The following COA1 variants were observed in gnomAD, a reference collection of about 807,000 sequenced individuals.
COA1 encodes the protein cytochrome c oxidase assembly factor 1 homolog.
In COA1, 13 loss-of-function variants were observed where a neutral mutation model predicts 16.0. The ratio of observed to expected loss-of-function variants is 0.81; its 90% CI spans 0.53 to 1.29. COA1 has a LOEUF of 1.29. COA1 is among the 50% of genes most tolerant of loss of function. The pLI, the probability that COA1 is intolerant of heterozygous loss-of-function variation, is 0.00. For missense variants in COA1, 179 were observed against 177.0 expected, an observed-to-expected ratio of 1.01 and a Z score of -0.06; for synonymous variants, 65 against 65.7, an observed-to-expected ratio of 0.99 and a Z score of 0.05.
At chr7:43,679,988 TG>T (rs1386987401) in intron 1 of COA1, among the ~76,000 whole-genome samples, 2 of 151,994 alleles carry the variant, frequency 1.3e-5, no homozygotes, top group Non-Finnish European at 2.9e-5. Context: ...AAGAACTGAA[TG>T]GAAAGGTTTA....
chr7:43,674,190 T>A (rs1296976876), intron 1 of COA1, among the ~76,000 whole-genome samples: 2 of 152,138 alleles, frequency 1.3e-5, no homozygotes, highest in Non-Finnish European at 2.9e-5. Flanking sequence ...GCTTCCTAAG[T>A]AGAATTTTTA....
chr7:43,622,588 A>AT (rs1227683211), intron 6 of COA1: 1 of 151,636 alleles, frequency 6.6e-6, no homozygotes, highest in Middle Eastern at 3.2e-3. Flanking sequence ...TTGTGAGTAG[A>AT]TTTTTTTAAG....
At chr7:43,720,204 G>A (rs565946481) in intron 1 of COA1, among the ~76,000 whole-genome samples, 7 of 152,104 alleles carry the variant, frequency 4.6e-5, no homozygotes, top group Non-Finnish European at 7.4e-5. Flanking sequence ...GCTTGAAACC[G>A]GGAGGAAAGA....
chr7:43,628,156 T>G (rs1264113519), intron 6 of COA1, among the ~76,000 whole-genome samples: 1 of 151,984 alleles, frequency 6.6e-6, no homozygotes, highest in Non-Finnish European at 1.5e-5. Context: ...CCGGCTAATT[T>G]TTGTATTTTT....
chr7:43,673,280 G>A (rs2093360366), intron 1 of COA1, among the ~76,000 whole-genome samples: 1 of 152,086 alleles, frequency 6.6e-6, no homozygotes, highest in Non-Finnish European at 1.5e-5. Flanking sequence ...CTAATATCCA[G>A]AATCTATAAG....
At chr7:43,691,289 G>A (rs1334569380) in intron 1 of COA1, among the ~76,000 whole-genome samples, 1 of 51,130 alleles carries the variant, frequency 2.0e-5, no homozygotes, top group Non-Finnish European at 4.3e-5. Context: ...AAGAAAGAAA[G>A]AAAGAAAGAA....
intron 1 of COA1, among the ~76,000 whole-genome samples, chr7:43,718,305 T>G (rs549476860): frequency 1.3e-5 from 2 of 152,300 alleles, no homozygotes; most frequent in East Asian, 3.9e-4. Context: ...ATCACAAGCT[T>G]ATCTCCTAGA....
chr7:43,691,982 C>A (rs1158554236), intron 1 of COA1, among the ~76,000 whole-genome samples: 1 of 152,170 alleles, frequency 6.6e-6, no homozygotes, highest in Non-Finnish European at 1.5e-5. Context: ...ATCTGCATAC[C>A]AACATCAGTC....
intron 1 of COA1, among the ~76,000 whole-genome samples, chr7:43,725,702 C>CA (rs1053126182): frequency 2.6e-5 from 4 of 151,694 alleles, no homozygotes; most frequent in Non-Finnish European, 5.9e-5. Context: ...TACTATAAAA[C>CA]AAAAAAATTA....
chr7:43,642,380 G>T (rs1420657403), intron 4 of COA1, among the ~76,000 whole-genome samples: 2 of 152,144 alleles, frequency 1.3e-5, no homozygotes, highest in Admixed American at 1.3e-4. Context: ...AACCTGGGAG[G>T]TGGAGGCTGC....
intron 1 of COA1, among the ~76,000 whole-genome samples, chr7:43,685,220 G>C (rs1205855313): frequency 6.6e-6 from 1 of 151,532 alleles, no homozygotes; most frequent in Non-Finnish European, 1.5e-5. Flanking sequence ...CTCCACCATG[G>C]TCATTTCCAG....
At chr7:43,692,993 G>C (rs901676481) in intron 1 of COA1, among the ~76,000 whole-genome samples, 1 of 152,156 alleles carries the variant, frequency 6.6e-6, no homozygotes, top group African/African-American at 2.4e-5. Flanking sequence ...ACCTCAGACT[G>C]AGTCAGAATG....
intron 1 of COA1, among the ~76,000 whole-genome samples, chr7:43,712,065 C>T (rs531954257): frequency 1.3e-5 from 2 of 152,084 alleles, no homozygotes; most frequent in South Asian, 2.1e-4. Context: ...TTAATCATTC[C>T]CTTGCTTTTC....
At chr7:43,641,006 T>G in intron 4 of COA1, 1 of 192,300 alleles carries the variant, frequency 5.2e-6, no homozygotes, top group South Asian at 1.2e-4. Flanking sequence ...CAAAGGGCTT[T>G]ACACAGGAGG....
intron 1 of COA1, among the ~76,000 whole-genome samples, chr7:43,701,294 T>C (rs2131382822): frequency 6.6e-6 from 1 of 152,248 alleles, no homozygotes; most frequent in South Asian, 2.1e-4. Context: ...ACAGCCCCAG[T>C]GTCTGTTGTT....
At chr7:43,623,865 G>T in intron 6 of COA1, 1 of 1,568,120 alleles carries the variant, frequency 6.4e-7, no homozygotes, top group Non-Finnish European at 8.6e-7. Context: ...ATTTCATCAG[G>T]ACACTTTTAG....
intron 6 of COA1, among the ~76,000 whole-genome samples, chr7:43,633,972 C>T (rs1376206682): frequency 6.6e-6 from 1 of 152,148 alleles, no homozygotes; most frequent in African/African-American, 2.4e-5. Flanking sequence ...TTTCTCGTTA[C>T]TCCTCATTCT....
At chr7:43,715,283 G>T (rs547986081) in intron 1 of COA1, among the ~76,000 whole-genome samples, 1 of 151,792 alleles carries the variant, frequency 6.6e-6, no homozygotes, top group East Asian at 1.9e-4. Flanking sequence ...AATGTTAAGG[G>T]TATGTTGCTT....
chr7:43,619,550 C>T (rs370452234), intron 6 of COA1: 5 of 1,593,426 alleles, frequency 3.1e-6, no homozygotes, highest in Non-Finnish European at 3.4e-6. Flanking sequence ...GTTTTGTGTA[C>T]TTAATCATAG....
Sources: allele counts gnomAD v4.1 joint callset (sites outside exome capture counted in the v4.1 genomes callset), GRCh38; gene constraint gnomAD v4.1.1; transcripts MANE v1.5; gene names NCBI Gene and HGNC (gene_info 2026-07-23, HGNC 2026-07-21).